ATG2B: variants seen among roughly 807,000 people sequenced by gnomAD.
ATG2B encodes autophagy-related protein 2 homolog B.
Under a neutral mutation model 241.3 loss-of-function variants are expected in ATG2B, and 121 were observed. The ratio of observed to expected loss-of-function variants is 0.50; its 90% confidence interval spans 0.43 to 0.58. The LOEUF (loss-of-function observed/expected upper bound fraction) is 0.58, where lower values mean the gene tolerates loss of function less well. ATG2B is among the 20% of genes least tolerant of loss of function. ATG2B has a pLI of 0.00. For missense variants in ATG2B, 2,306 were observed against 2,491.6 expected, an observed-to-expected ratio of 0.93 and a Z score of 1.59; for synonymous variants, 858 against 876.6, an observed-to-expected ratio of 0.98 and a Z score of 0.37.
intron 18 of ATG2B, among the ~76,000 whole-genome samples, chr14:96,320,941 T>C (rs118141139): frequency 0.017 from 2,593 of 152,230 alleles, 29 homozygotes; most frequent in Non-Finnish European, 0.024. Context: ...CTAATGTGAA[T>C]TGAATATACA....
intron 41 of ATG2B, among the ~76,000 whole-genome samples, chr14:96,286,275 G>A (rs1886334689): frequency 6.6e-6 from 1 of 152,154 alleles, no homozygotes; most frequent in Non-Finnish European, 1.5e-5. Flanking sequence ...TACGGGCTTT[G>A]CTGGTACTAT....
intron 34 of ATG2B, among the ~76,000 whole-genome samples, chr14:96,299,822 A>G (rs575581419): frequency 6.0e-4 from 91 of 152,368 alleles, no homozygotes; most frequent in Non-Finnish European, 1.1e-3. Flanking sequence ...ACATGATTCA[A>G]TTAAGAAGAA....
At position 96,291,773 on chromosome 14, in the gene ATG2B, G is replaced by A. The variant is rs554373114; in HGVS notation, c.5497-91C>T. On this transcript the variant is annotated intron_variant, in intron 37 of 41. Coordinates refer to ENST00000359933, the MANE Select transcript of ATG2B (RefSeq NM_018036.7). ...TGTTATTTTGAAAGTCAAAGCAGTAGTCATTATTGATACTAAAACACTTAA... is the reference window on the plus strand; with the variant it reads ...TGTTATTTTGAAAGTCAAAGCAGTAATCATTATTGATACTAAAACACTTAA... The A allele has an allele frequency of 1.7e-5, 16 of 928,476 alleles. 1 individual carries two copies. In the South Asian group the frequency reaches 2.2e-4, roughly 13 times the overall value. 57.5% of individuals were successfully genotyped at this position (928,476 alleles called of 1,614,324 possible).
intron 34 of ATG2B, 151 bp downstream of exon 34, chr14:96,301,856 T>C (rs1886799953): frequency 5.0e-6 from 3 of 602,588 alleles, no homozygotes. Flanking sequence ...ATTCCAAACA[T>C]CTAATGAATT....
In ATG2B at chr14:96,332,393, TC is replaced by T. The variant is rs746657075; in HGVS notation, c.1379del (p.Gly460GlufsTer12). The T allele has an allele frequency of 6.2e-7, 1 of 1,613,786 alleles. No individual in the cohort carries two copies. Among genetic ancestry groups the T allele is most frequent in the Admixed American group, 1.7e-5 (1 of 60,008 alleles). ...GTTCTTTATGATGATCAAGGAACTCTCCCCAAGTGGGCTGAAGCTATAAAAG... is the reference window on the plus strand; with the variant it reads ...GTTCTTTATGATGATCAAGGAACTCTCCCAAGTGGGCTGAAGCTATAAAAG... ...LSATVLQPTW[G>X]EFLDHHKEQP... is the part of the protein sequence containing the mutation. On this transcript the variant is annotated frameshift_variant, in exon 10 of 42. Transcript: ENST00000359933. LOFTEE classifies it high-confidence loss of function.
rs535110105 is a variant in ATG2B, at chr14:96,319,275, C to T, written c.2880-1420G>A. Among the ~76,000 whole-genome samples the T allele has an allele frequency of 1.8e-4, 28 of 152,130 alleles. No individual in the cohort carries two copies. The South Asian group carries it at 2.1e-3, about 11-fold the overall frequency. The stretch of plus-strand genomic sequence containing the variant: ...ACAGTCTTGATACCATTAGTACTAT[C>T]GAATATTGGATGGTGCTTGTAGTAT... On this transcript the variant is annotated intron_variant, in intron 18 of 41. Transcript: ENST00000359933.
chr14:96,312,095 T>A lies in ATG2B; in HGVS notation c.3907A>T (p.Ser1303Cys). The change falls in exon 26 of 42, where the codon AGT becomes TGT. Residue 1303 changes from serine to cysteine, a missense_variant. Transcript: ENST00000359933. ...DKCNTVTINLSRDYVRVMDMG... is the reference protein window; with the variant it reads ...DKCNTVTINLCRDYVRVMDMG... ...TTTGTTTTTTAACTCTTACCTCTAC[T>A]CAGATTTATAGTGACAGTATTGCAT... is the stretch of plus-strand genomic sequence containing the variant. The A allele has an allele frequency of 6.2e-7, 1 of 1,605,342 alleles. No individual in the cohort carries two copies. Among genetic ancestry groups the A allele is most frequent in the South Asian group, 1.1e-5 (1 of 89,508 alleles).
chr14:96,341,459 T>A (rs528434343), intron 6 of ATG2B, 63 bp downstream of exon 6: 2 of 1,309,136 alleles, frequency 1.5e-6, no homozygotes, highest in Admixed American at 2.3e-5. Flanking sequence ...AATCACTGCA[T>A]AGAATAAAGA....
chr14:96,329,418 A>T, intron 12 of ATG2B, 66 bp downstream of exon 12: 1 of 1,182,708 alleles, frequency 8.5e-7, no homozygotes, highest in Non-Finnish European at 1.2e-6. Flanking sequence ...TCATTGCCTC[A>T]TACAATCATT....
At chr14:96,346,702 A>G (rs1318142482) in intron 2 of ATG2B, among the ~76,000 whole-genome samples, 2 of 152,140 alleles carry the variant, frequency 1.3e-5, no homozygotes, top group Non-Finnish European at 2.9e-5. Context: ...TCCACCTTAC[A>G]TACTGATTTA....
intron 22 of ATG2B, 44 bp downstream of exon 22, chr14:96,315,340 G>A (rs771794572): frequency 1.9e-6 from 3 of 1,592,978 alleles, no homozygotes; most frequent in Non-Finnish European, 2.6e-6. Context: ...ATTATTTTTA[G>A]CTAGAATCAA....
chr14:96,289,856 G>C lies in ATG2B; in HGVS notation c.5857-51C>G. 1 of 1,600,102 alleles carries C rather than the reference G, an allele frequency of 6.2e-7. No homozygotes were observed. Among genetic ancestry groups the C allele is most frequent in the Non-Finnish European group, 8.5e-7 (1 of 1,169,786 alleles). ...AATGAATTAGAAGAAAGTCTGAAGA[G>C]TTACGGACCAGCAGAGCACTTCCTA... is the stretch of plus-strand genomic sequence containing the variant. On this transcript the variant is annotated intron_variant, in intron 40 of 41. Transcript: ENST00000359933. The surrounding 1 kb of genome is among the most constrained non-coding windows in gnomAD (Gnocchi z 4.3).
At position 96,295,180 on chromosome 14, in the gene ATG2B, T is replaced by A. The variant is rs761280807; in HGVS notation, c.5219-13A>T. The A allele has an allele frequency of 1.3e-6, 2 of 1,599,802 alleles. No homozygotes were observed. Among genetic ancestry groups the A allele is most frequent in the East Asian group, 4.5e-5 (2 of 44,728 alleles). On this transcript the variant is annotated splice_polypyrimidine_tract_variant and intron_variant, in intron 35 of 41. Transcript: ENST00000359933. ...GGAGACTTTTTAACTGAAAATGTAA[T>A]GTGCATGTTTGAAAAATTAGATATG...
In ATG2B at chr14:96,315,422, C is replaced by T. The variant is rs757400421; in HGVS notation, c.3523G>A (p.Val1175Ile). The T allele has an allele frequency of 2.0e-5, 32 of 1,613,988 alleles. No individual in the cohort carries two copies. Among genetic ancestry groups the T allele is most frequent in the South Asian group, 1.1e-4 (10 of 91,092 alleles). ...GDSLNMLSVA[V>I]KILSDKSESN... ...TCTGATTTATCAGACAATATTTTAACGGCAACAGACAGCATATTCAAACTG... is the reference window on the plus strand; with the variant it reads ...TCTGATTTATCAGACAATATTTTAATGGCAACAGACAGCATATTCAAACTG... Residue 1175 changes from valine to isoleucine, a missense_variant, in exon 22 of 42, where the codon GTT becomes ATT. Transcript: ENST00000359933.
chr14:96,327,706 T>C (rs1595314491), intron 14 of ATG2B, among the ~76,000 whole-genome samples: 1 of 152,238 alleles, frequency 6.6e-6, no homozygotes, highest in Non-Finnish European at 1.5e-5. Context: ...TCTTTTTCTA[T>C]ACATCAATTT....
At chr14:96,351,349 C>T (rs1665532503) in intron 1 of ATG2B, among the ~76,000 whole-genome samples, 1 of 152,156 alleles carries the variant, frequency 6.6e-6, no homozygotes, top group Non-Finnish European at 1.5e-5. Context: ...TGCCAGTAGT[C>T]CCAGCAATTT....
At chr14:96,360,933 CAAA>C (rs35630598) in intron 1 of ATG2B, among the ~76,000 whole-genome samples, 3 of 73,738 alleles carry the variant, frequency 4.1e-5, no homozygotes, top group South Asian at 1.2e-3. Flanking sequence ...AATCCTCTAC[CAAA>C]AAAAAAAAAA....
Position 96,304,613 on chromosome 14 carries a change from A to C in ATG2B, c.4734-10T>G. The C allele has an allele frequency of 7.1e-7, 1 of 1,401,640 alleles. No individual in the cohort carries two copies. Among genetic ancestry groups the C allele is most frequent in the Non-Finnish European group, 9.7e-7 (1 of 1,025,684 alleles). 86.8% of individuals were successfully genotyped at this position (1,401,640 alleles called of 1,614,324 possible). On this transcript the variant is annotated splice_polypyrimidine_tract_variant and intron_variant, in intron 31 of 41. Coordinates refer to ENST00000359933, the MANE Select transcript of ATG2B (RefSeq NM_018036.7). ...CGAACTGTGGGGACTACTAAAAATGAGCAAAAAAAAAAAAAACCCTTTTGT... is the reference window on the plus strand; with the variant it reads ...CGAACTGTGGGGACTACTAAAAATGCGCAAAAAAAAAAAAAACCCTTTTGT...
chr14:96,290,025 A>AT lies in ATG2B; in HGVS notation c.5857-221dup. 4.1e-6 allele frequency: 4 copies of AT among 976,008 alleles called. No homozygotes were observed. Among genetic ancestry groups the AT allele is most frequent in the Non-Finnish European group, 4.2e-6 (3 of 711,582 alleles). 60.5% of individuals were successfully genotyped at this position (976,008 alleles called of 1,614,324 possible). A position where few individuals can be genotyped will look rare whatever the true frequency, so the allele number is the denominator to read the frequency against. ...ATAACTAACACCTGGATTGAGCTAA[A>AT]TTTTTAGCCCCTCCTCTGTTCACTG... On this transcript the variant is annotated intron_variant, in intron 40 of 41. Transcript: ENST00000359933. The surrounding 1 kb of genome is among the most constrained non-coding windows in gnomAD (Gnocchi z 4.4).
Sources: gnomAD v4.1 joint callset for allele counts (sites outside exome capture counted in the v4.1 genomes callset) on GRCh38, gnomAD v4.1.1 for gene constraint, Gnocchi (gnomAD v3.1) non-coding constraint, MANE v1.5 for transcripts, NCBI Gene and HGNC (gene_info 2026-07-23, HGNC 2026-07-21) for gene names.